PLCG2: variants seen among roughly 807,000 people sequenced by gnomAD.
PLCG2 encodes the protein phospholipase C gamma 2.
Under a neutral mutation model 175.6 loss-of-function variants are expected in PLCG2, and 69 were observed. That is an observed-to-expected ratio of 0.39 (90% CI 0.32 to 0.48). The LOEUF (loss-of-function observed/expected upper bound fraction) is 0.48. PLCG2 is among the 20% of genes least tolerant of loss of function. The probability of loss-of-function intolerance (pLI) is 0.91; values close to 1 mark genes in which losing one functional copy is unlikely to be tolerated. For synonymous variants in PLCG2, 827 were observed against 624.0 expected, an observed-to-expected ratio of 1.33 and a Z score of -4.85; for missense variants, 1,798 against 1,650.9, an observed-to-expected ratio of 1.09 and a Z score of -1.54.
intron 2 of PLCG2, among the ~76,000 whole-genome samples, chr16:81,814,514 G>A (rs1457091847): frequency 2.6e-5 from 4 of 152,102 alleles, no homozygotes; most frequent in African/African-American, 9.7e-5. Context: ...CCAAAATGGT[G>A]AAATCCCATC....
intron 7 of PLCG2, among the ~76,000 whole-genome samples, chr16:81,875,073 C>T (rs1208387991): frequency 6.6e-6 from 1 of 150,708 alleles, no homozygotes; most frequent in African/African-American, 2.4e-5. Context: ...AAGCGATTCT[C>T]CTGCCTCAGC....
intron 31 of PLCG2, among the ~76,000 whole-genome samples, chr16:81,949,560 T>C (rs1019687121): frequency 6.6e-6 from 1 of 152,144 alleles, no homozygotes; most frequent in Non-Finnish European, 1.5e-5. Flanking sequence ...TTTAGATATA[T>C]CATGTATCCT....
chr16:81,938,763 C>T (rs557277094), intron 28 of PLCG2, 38 bp from the exon 29 acceptor site: 2 of 1,323,492 alleles, frequency 1.5e-6, no homozygotes, highest in South Asian at 1.2e-5. Flanking sequence ...CTGTTCAGGA[C>T]CCCAGGGGGG....
chr16:81,955,304 A>G (rs1319857051), intron 31 of PLCG2, among the ~76,000 whole-genome samples: 1 of 152,236 alleles, frequency 6.6e-6, no homozygotes, highest in Non-Finnish European at 1.5e-5. Context: ...AGTAAATGAC[A>G]AAGGATCTTG....
intron 19 of PLCG2, among the ~76,000 whole-genome samples, chr16:81,913,789 C>T (rs931359346): frequency 2.0e-5 from 3 of 152,196 alleles, no homozygotes; most frequent in Non-Finnish European, 2.9e-5. Flanking sequence ...CTGCCCTGAT[C>T]CCATCCCCTG....
intron 18 of PLCG2, among the ~76,000 whole-genome samples, chr16:81,912,278 C>T (rs1909660716): frequency 6.6e-6 from 1 of 151,786 alleles, no homozygotes; most frequent in African/African-American, 2.4e-5. Flanking sequence ...GTTGGCCAGG[C>T]TGGTCTCAAA....
At chr16:81,956,314 C>A (rs1911566368) in intron 31 of PLCG2, among the ~76,000 whole-genome samples, 3 of 152,282 alleles carry the variant, frequency 2.0e-5, no homozygotes, top group African/African-American at 7.2e-5. Flanking sequence ...TTTTTCTCCT[C>A]TGCTGGGTTC....
At chr16:81,769,642 C>T (rs568593398) in intron 2 of PLCG2, among the ~76,000 whole-genome samples, 8 of 151,344 alleles carry the variant, frequency 5.3e-5, no homozygotes, top group African/African-American at 2.0e-4. Context: ...ACGGTGAAAC[C>T]CCGTCTCTAC....
At chr16:81,848,401 G>T (rs1340519177) in intron 2 of PLCG2, among the ~76,000 whole-genome samples, 2 of 152,190 alleles carry the variant, frequency 1.3e-5, no homozygotes, top group African/African-American at 4.8e-5. Context: ...TTGGAAGGGG[G>T]TGTGCGGATG....
intron 1 of PLCG2, 92 bp downstream of exon 1, chr16:81,779,516 T>A (rs1910633064): frequency 3.3e-5 from 5 of 151,156 alleles, no homozygotes; most frequent in Admixed American, 3.3e-4. Context: ...TCCGAGGGGG[T>A]CTGCGTCCTG....
chr16:81,870,915 A>C lies in PLCG2; in HGVS notation c.628A>C (p.Met210Leu), dbSNP rs1367179036. The change falls in exon 7 of 33, where the codon ATG (methionine) becomes CTG (leucine). Residue 210 changes from methionine (M) to leucine (L), a missense_variant. Physicochemically the swap from Met to Leu is conservative, Grantham distance 15. Transcript: ENST00000564138. Reference sequence around the variant, plus strand: ...GTTCCATCTCTTCTATAAAAAACTTATGTTTGAACAGCAAAAATCGGTAAG... The same window carrying C: ...GTTCCATCTCTTCTATAAAAAACTTCTGTTTGAACAGCAAAAATCGGTAAG... ...EQFHLFYKKLMFEQQKSILDE... is the reference protein window; with the variant it reads ...EQFHLFYKKLLFEQQKSILDE... 3.1e-6 allele frequency: 5 copies of C among 1,590,302 alleles called. No homozygotes were observed. Among genetic ancestry groups the C allele is most frequent in the Non-Finnish European group, 4.3e-6 (5 of 1,162,658 alleles).
chr16:81,903,246 A>G (rs1271022315), intron 14 of PLCG2, among the ~76,000 whole-genome samples: 2 of 152,138 alleles, frequency 1.3e-5, no homozygotes, highest in Admixed American at 6.5e-5. Context: ...CATGTACCCT[A>G]TATTATCACT....
intron 8 of PLCG2, among the ~76,000 whole-genome samples, chr16:81,881,232 G>A (rs1908065338): frequency 6.7e-6 from 1 of 150,094 alleles, no homozygotes; most frequent in South Asian, 2.1e-4. Context: ...CTCATGAGAT[G>A]TGACAGGTTA....
At chr16:81,798,649 T>A (rs999014012) in intron 2 of PLCG2, 2 of 152,316 alleles carry the variant, frequency 1.3e-5, no homozygotes, top group African/African-American at 4.8e-5. Flanking sequence ...GGCGTGAGTT[T>A]TGGGAGGTGA....
At chr16:81,788,721 A>G (rs1183374544) in intron 2 of PLCG2, among the ~76,000 whole-genome samples, 1 of 152,186 alleles carries the variant, frequency 6.6e-6, no homozygotes, top group Non-Finnish European at 1.5e-5. Context: ...CTGCTTTCTG[A>G]AAGGCTTTTC....
Position 81,931,518 on chromosome 16 carries a change from A to C in PLCG2, c.2603A>C (p.Asn868Thr). ...CAAGTGAAAGCCCCTCAGGGAAAAAACCAGAAGTCCTTTGTCTTCATCCTG... is the reference window on the plus strand; with the variant it reads ...CAAGTGAAAGCCCCTCAGGGAAAAACCCAGAAGTCCTTTGTCTTCATCCTG... ...YNVVKAPQGK[N>T]QKSFVFILEP... The change falls in exon 25 of 33, where the codon AAC becomes ACC. Residue 868 changes from asparagine (N) to threonine (T), a missense_variant. By Grantham distance (65) the Asn-to-Thr change is moderately conservative. Transcript: ENST00000564138. 1 of 1,613,912 alleles carries C rather than the reference A, an allele frequency of 6.2e-7. No individual in the cohort carries two copies. Among genetic ancestry groups the C allele is most frequent in the Non-Finnish European group, 8.5e-7 (1 of 1,179,954 alleles).
intron 2 of PLCG2, among the ~76,000 whole-genome samples, chr16:81,759,952 C>T (rs1031296052): frequency 1.3e-5 from 2 of 152,114 alleles, no homozygotes; most frequent in Admixed American, 1.3e-4. Context: ...CGGTGAAACC[C>T]CGTCTCTACT....
At chr16:81,896,345 T>A (rs1409531753) in intron 13 of PLCG2, among the ~76,000 whole-genome samples, 1 of 146,428 alleles carries the variant, frequency 6.8e-6, no homozygotes, top group East Asian at 2.0e-4. Context: ...GGCAACATGG[T>A]GAAACCCCTT....
chr16:81,788,242 G>T (rs762160416), intron 2 of PLCG2, among the ~76,000 whole-genome samples: 2 of 152,112 alleles, frequency 1.3e-5, no homozygotes, highest in Non-Finnish European at 2.9e-5. Context: ...ATATCTGAAG[G>T]ACAGCTTCCT....
Sources: allele counts gnomAD v4.1 joint callset (sites outside exome capture counted in the v4.1 genomes callset), GRCh38; gene constraint gnomAD v4.1.1; transcripts MANE v1.5; gene names NCBI Gene and HGNC (gene_info 2026-07-23, HGNC 2026-07-21).